Variants in KDM4B observed in about 807,000 individuals in gnomAD.
KDM4B encodes lysine-specific demethylase 4B.
In KDM4B, 32 loss-of-function variants were observed where a neutral mutation model predicts 125.2. The observed-to-expected ratio is 0.26, with a 90% confidence interval of 0.19 to 0.34. The LOEUF is 0.34. Ranked by LOEUF, KDM4B falls within the 10% of genes least tolerant of loss-of-function variation. The pLI is 1.00. For missense variants in KDM4B, 1,190 were observed against 1,577.7 expected (o/e 0.75, Z 4.16); for synonymous variants, 721 against 677.9 (o/e 1.06, Z -0.99).
intron 14 of KDM4B, among the ~76,000 whole-genome samples, chr19:5,135,080 C>T (rs34383362): frequency 0.014 from 2,163 of 152,310 alleles, 30 homozygotes; most frequent in Middle Eastern, 0.024. Context: ...CACAGGCCAG[C>T]CTGAGCTCTG....
At chr19:5,149,226 C>T (rs943779010) in intron 21 of KDM4B, among the ~76,000 whole-genome samples, 6 of 152,268 alleles carry the variant, frequency 3.9e-5, no homozygotes, top group African/African-American at 1.4e-4. Context: ...CGTGGGGCGT[C>T]TAGCCCCAGA....
intron 1 of KDM4B, among the ~76,000 whole-genome samples, chr19:4,990,447 G>T (rs1373711146): frequency 6.6e-6 from 1 of 152,220 alleles, no homozygotes. Flanking sequence ...CCTGGGGCAG[G>T]TGGCCTCTGG....
chr19:5,051,946 G>A (rs2037239508), intron 6 of KDM4B, among the ~76,000 whole-genome samples: 3 of 152,214 alleles, frequency 2.0e-5, no homozygotes, highest in Admixed American at 2.0e-4. Flanking sequence ...CGGTGCAGGT[G>A]TGGGAGGTGG....
chr19:5,040,335 C>T (rs1316870606), intron 4 of KDM4B, among the ~76,000 whole-genome samples: 2 of 152,172 alleles, frequency 1.3e-5, no homozygotes, highest in Non-Finnish European at 2.9e-5. Flanking sequence ...TCAGAGAGGG[C>T]TCCCTGGCTC....
chr19:5,010,336 C>A (rs530660697), intron 1 of KDM4B, among the ~76,000 whole-genome samples: 11 of 152,176 alleles, frequency 7.2e-5, no homozygotes, highest in Non-Finnish European at 1.3e-4. Context: ...TCAGGAGGTG[C>A]GTGTGGCTGA....
chr19:5,010,337 G>GTGTGGCTGA (rs933710143), intron 1 of KDM4B, among the ~76,000 whole-genome samples: 9 of 152,214 alleles, frequency 5.9e-5, no homozygotes, highest in South Asian at 2.1e-4. Flanking sequence ...CAGGAGGTGC[G>GTGTGGCTGA]TGTGGCTGAT....
intron 1 of KDM4B, among the ~76,000 whole-genome samples, chr19:4,975,818 C>T (rs1320358848): frequency 1.3e-5 from 2 of 151,518 alleles, no homozygotes; most frequent in African/African-American, 2.4e-5. Flanking sequence ...GTCTCCAACT[C>T]CTGACCTCAG....
chr19:4,995,864 G>A (rs1005053140), intron 1 of KDM4B, among the ~76,000 whole-genome samples: 8 of 152,074 alleles, frequency 5.3e-5, no homozygotes, highest in African/African-American at 1.9e-4. Context: ...CTTGGTGTTG[G>A]CGCTCCTGGT....
At chr19:5,149,309 C>T (rs1023450765) in intron 21 of KDM4B, among the ~76,000 whole-genome samples, 3 of 152,254 alleles carry the variant, frequency 2.0e-5, no homozygotes, top group African/African-American at 4.8e-5. Context: ...GACTTTTGTA[C>T]GCTTCTGTGA....
At chr19:5,002,232 AG>A (rs1191931316) in intron 1 of KDM4B, among the ~76,000 whole-genome samples, 2 of 152,214 alleles carry the variant, frequency 1.3e-5, no homozygotes, top group Non-Finnish European at 2.9e-5. Context: ...TCCTGACCTC[AG>A]GTGATTCACC....
intron 7 of KDM4B, chr19:5,075,568 C>T (rs1279710097): frequency 6.6e-6 from 1 of 152,274 alleles, no homozygotes; most frequent in African/African-American, 2.4e-5. Flanking sequence ...CTGCCTCGGC[C>T]TCCCAAAGTG....
intron 18 of KDM4B, chr19:5,140,890 C>G (rs1402904483): frequency 6.6e-6 from 1 of 152,246 alleles, no homozygotes; most frequent in Non-Finnish European, 1.5e-5. Context: ...GAGGCTGGGC[C>G]CGCAGCCAGT....
chr19:5,044,774 G>A (rs1264815816), intron 5 of KDM4B, among the ~76,000 whole-genome samples: 3 of 150,458 alleles, frequency 2.0e-5, no homozygotes, highest in African/African-American at 7.4e-5. Flanking sequence ...CCTCTCCTGC[G>A]CCCCAGGCAA....
intron 1 of KDM4B, among the ~76,000 whole-genome samples, chr19:4,969,651 G>T (rs2034177717): frequency 6.6e-6 from 1 of 151,988 alleles, no homozygotes; most frequent in African/African-American, 2.4e-5. Context: ...AAGAAAGCAA[G>T]AAAAAGGAAA....
chr19:5,030,624 C>T (rs1432209534), intron 2 of KDM4B, among the ~76,000 whole-genome samples: 4 of 152,240 alleles, frequency 2.6e-5, no homozygotes, highest in African/African-American at 7.2e-5. Context: ...AGGGTCCCAG[C>T]GCCTCCACCA....
At chr19:4,993,673 C>T (rs968628153) in intron 1 of KDM4B, among the ~76,000 whole-genome samples, 5 of 151,592 alleles carry the variant, frequency 3.3e-5, no homozygotes, top group Admixed American at 1.3e-4. Context: ...TGCAGTGTTG[C>T]GATCATGGCT....
intron 6 of KDM4B, among the ~76,000 whole-genome samples, chr19:5,048,332 G>A (rs1476579669): frequency 2.6e-5 from 4 of 151,626 alleles, no homozygotes; most frequent in East Asian, 1.9e-4. Context: ...GAGTGCGCAC[G>A]TGAGTGAGTG....
chr19:5,067,820 G>A (rs551462287), intron 6 of KDM4B, among the ~76,000 whole-genome samples: 2 of 152,276 alleles, frequency 1.3e-5, no homozygotes, highest in South Asian at 2.1e-4. Flanking sequence ...GCAAGACCCC[G>A]TGCCACCCGG....
intron 6 of KDM4B, among the ~76,000 whole-genome samples, chr19:5,066,341 T>G (rs1404265495): frequency 2.2e-5 from 3 of 139,470 alleles, no homozygotes; most frequent in Non-Finnish European, 4.7e-5. Context: ...CCACTGCCCC[T>G]GTGCCGGGGT....
Sources: gnomAD v4.1 joint callset for allele counts (sites outside exome capture counted in the v4.1 genomes callset) on GRCh38, gnomAD v4.1.1 for gene constraint, MANE v1.5 for transcripts, NCBI Gene and HGNC (gene_info 2026-07-23, HGNC 2026-07-21) for gene names.